GALNT18: variants seen among roughly 807,000 people sequenced by gnomAD.
The protein encoded by GALNT18 is GalNAc-transferase 18.
A neutral mutation model predicts 69.5 loss-of-function variants in GALNT18; 44 were observed. The observed-to-expected ratio is 0.63, with a 90% CI of 0.50 to 0.81. The LOEUF is 0.81. Ranked by LOEUF, GALNT18 falls within the 40% of genes least tolerant of loss-of-function variation. The pLI is 0.00. For missense variants in GALNT18, 715 were observed against 810.0 expected (o/e 0.88, Z 1.42); for synonymous variants, 364 against 318.2 (o/e 1.14, Z -1.53).
chr11:11,321,594 T>C (rs1849840377), intron 9 of GALNT18, among the ~76,000 whole-genome samples: 1 of 152,120 alleles, frequency 6.6e-6, no homozygotes, highest in Non-Finnish European at 1.5e-5. Flanking sequence ...CAACAGTTTA[T>C]GAGTAGGTTT....
rs199932529 is a variant in GALNT18, at chr11:11,546,843, G to T, written c.235+74516C>A. ...GGTCAGATGGATGGATGGGTGGGTTGGGTGTGTGGGTGGGCAGATGAGTAA... is the reference window on the plus strand; with the variant it reads ...GGTCAGATGGATGGATGGGTGGGTTTGGTGTGTGGGTGGGCAGATGAGTAA... On this transcript the variant is annotated intron_variant, in intron 1 of 10. Transcript: ENST00000227756. This position sits in a 1 kb window ranked among gnomAD's most constrained non-coding sequence, Gnocchi z 5.8. 3.8e-4 allele frequency among the ~76,000 whole-genome samples: 58 copies of T among 152,186 alleles called. No individual in the cohort carries two copies. In the East Asian group the frequency reaches 0.01, roughly 27 times the overall value.
At chr11:11,501,647 G>A (rs1343172850) in intron 1 of GALNT18, among the ~76,000 whole-genome samples, 1 of 152,116 alleles carries the variant, frequency 6.6e-6, no homozygotes, top group Non-Finnish European at 1.5e-5. Flanking sequence ...TACCTTGCCT[G>A]AGTTTGTGAG....
At chr11:11,568,483 C>T (rs1408990756) in intron 1 of GALNT18, among the ~76,000 whole-genome samples, 1 of 152,160 alleles carries the variant, frequency 6.6e-6, no homozygotes, top group East Asian at 1.9e-4. Flanking sequence ...GTTCATGACT[C>T]ATCCTGCCAG....
intron 10 of GALNT18, among the ~76,000 whole-genome samples, chr11:11,288,587 C>G (rs964071861): frequency 6.6e-6 from 1 of 152,180 alleles, no homozygotes; most frequent in Non-Finnish European, 1.5e-5. Flanking sequence ...GTCCAACCCC[C>G]ATGCTCAATA....
intron 1 of GALNT18, among the ~76,000 whole-genome samples, chr11:11,455,081 G>T (rs1855896688): frequency 6.6e-6 from 1 of 152,204 alleles, no homozygotes; most frequent in Non-Finnish European, 1.5e-5. Context: ...ATTCAGAGAT[G>T]CTCCCTGATA....
At chr11:11,384,622 T>C (rs117615228) in intron 3 of GALNT18, among the ~76,000 whole-genome samples, 160 of 152,294 alleles carry the variant, frequency 1.1e-3, no homozygotes, top group Non-Finnish European at 1.8e-3. Flanking sequence ...ATGGGATTAG[T>C]GCACTTATAA....
chr11:11,542,699 C>T lies in GALNT18; in HGVS notation c.235+78660G>A, dbSNP rs531494093. ...TTGTGTAATCTTGGTCACCTCTCTG[C>T]GTGTATCACATTTGTGTAAAGCAAA... On this transcript the variant is annotated intron_variant, in intron 1 of 10. Transcript: ENST00000227756. The surrounding 1 kb of genome is among the most constrained non-coding windows in gnomAD (Gnocchi z 4.3). Among the ~76,000 whole-genome samples the T allele has an allele frequency of 6.0e-4, 92 of 152,294 alleles. No homozygotes were observed. The highest frequency in any genetic ancestry group is 9.1e-4 in the Admixed American group (14 of 15,302).
intron 10 of GALNT18, among the ~76,000 whole-genome samples, chr11:11,275,788 G>C (rs138469470): frequency 1.3e-5 from 2 of 152,058 alleles, no homozygotes; most frequent in African/African-American, 4.8e-5. Flanking sequence ...ATTAAATAGG[G>C]AATCCTTTCC....
Position 11,417,288 on chromosome 11 carries a change from G to A in GALNT18, c.595+15333C>T, listed in dbSNP as rs551629553. On this transcript the variant is annotated intron_variant, in intron 3 of 10. Transcript: ENST00000227756. ...GCACACAGTGAAGGAAAGTTGCACA[G>A]AGGAGTGGCTAATTCAGCCTATCTG... 1.4e-4 allele frequency among the ~76,000 whole-genome samples: 22 copies of A among 152,360 alleles called. No homozygotes were observed. The South Asian group carries it at 4.6e-3, about 32-fold the overall frequency.
chr11:11,478,311 A>T (rs979503292), intron 1 of GALNT18, among the ~76,000 whole-genome samples: 7 of 152,248 alleles, frequency 4.6e-5, no homozygotes, highest in African/African-American at 1.4e-4. Flanking sequence ...TGAGCGTAGA[A>T]TAAAGACATT....
intron 3 of GALNT18, among the ~76,000 whole-genome samples, chr11:11,420,890 T>C (rs1191559110): frequency 1.3e-5 from 2 of 152,020 alleles, no homozygotes; most frequent in Non-Finnish European, 1.5e-5. Flanking sequence ...TGACAGATGA[T>C]CACACAGCTG....
Position 11,371,914 on chromosome 11 carries a change from A to G in GALNT18, c.1092+601T>C, listed in dbSNP as rs548914360. Among the ~76,000 whole-genome samples, 19 of 152,310 alleles carry G rather than the reference A, an allele frequency of 1.2e-4. No homozygotes were observed. In the South Asian group the frequency reaches 3.9e-3, roughly 32 times the overall value. ...GAGCCTCTTGGGGATCCATGCCATG[A>G]GCTGATTGCTGGAAAAAACTCTGTA... On this transcript the variant is annotated intron_variant, in intron 6 of 10. Transcript: ENST00000227756.
chr11:11,490,195 A>G (rs2133883463), intron 1 of GALNT18, among the ~76,000 whole-genome samples: 1 of 111,024 alleles, frequency 9.0e-6, no homozygotes, highest in East Asian at 2.7e-4. Context: ...CTTCTCCTTC[A>G]CTCATTCTCT....
At chr11:11,345,831 A>G (rs984265302) in intron 6 of GALNT18, among the ~76,000 whole-genome samples, 1 of 152,150 alleles carries the variant, frequency 6.6e-6, no homozygotes, top group Non-Finnish European at 1.5e-5. Flanking sequence ...GTCGCAGGGA[A>G]CAGGGCACAG....
At chr11:11,296,720 T>C (rs568574956) in intron 9 of GALNT18, among the ~76,000 whole-genome samples, 1 of 152,294 alleles carries the variant, frequency 6.6e-6, no homozygotes, top group South Asian at 2.1e-4. Context: ...CAGAGCTGTT[T>C]ATTGCTCCAG....
intron 6 of GALNT18, among the ~76,000 whole-genome samples, chr11:11,349,066 GTTTA>G (rs1295828403): frequency 2.6e-5 from 4 of 152,088 alleles, no homozygotes; most frequent in African/African-American, 7.3e-5. Flanking sequence ...ACTGCACATT[GTTTA>G]GTTTTGCCTG....
chr11:11,326,509 A>T (rs1281940171), intron 9 of GALNT18, among the ~76,000 whole-genome samples: 1 of 152,234 alleles, frequency 6.6e-6, no homozygotes, highest in Non-Finnish European at 1.5e-5. Flanking sequence ...CTCTTTGAGT[A>T]TCTGAAGCTT....
intron 1 of GALNT18, among the ~76,000 whole-genome samples, chr11:11,557,815 C>T (rs780513648): frequency 6.6e-6 from 1 of 152,234 alleles, no homozygotes; most frequent in Non-Finnish European, 1.5e-5. Flanking sequence ...TCATTACCAT[C>T]TAGCCACCAA....
At chr11:11,277,389 T>G (rs186818215) in intron 10 of GALNT18, among the ~76,000 whole-genome samples, 124 of 152,252 alleles carry the variant, frequency 8.1e-4, no homozygotes, top group Admixed American at 5.9e-3. Flanking sequence ...ATCTATTTGA[T>G]TCTTCTCTTT....
Sources: gnomAD v4.1 joint callset for allele counts (sites outside exome capture counted in the v4.1 genomes callset) on GRCh38, gnomAD v4.1.1 for gene constraint, Gnocchi (gnomAD v3.1) non-coding constraint, MANE v1.5 for transcripts, NCBI Gene and HGNC (gene_info 2026-07-23, HGNC 2026-07-21) for gene names.